FANCB: variants seen among roughly 807,000 people sequenced by gnomAD.
The protein encoded by FANCB is Fanconi anemia group B protein.
In FANCB, 5 loss-of-function variants were observed where a neutral mutation model predicts 38.9. The ratio of observed to expected loss-of-function variants is 0.13; its 90% CI spans 0.07 to 0.27. The LOEUF (loss-of-function observed/expected upper bound fraction) is 0.27, where lower values mean the gene tolerates loss of function less well. Ranked by LOEUF, FANCB falls within the 10% of genes least tolerant of loss-of-function variation. The pLI, the probability that FANCB is intolerant of heterozygous loss-of-function variation, is 1.00. For missense variants in FANCB, 573 were observed against 602.7 expected (o/e 0.95, Z 0.52); for synonymous variants, 236 against 215.4 (o/e 1.10, Z -0.84).
the FANCB span, among the ~76,000 whole-genome samples, chrX:14,782,779 C>T: frequency 8.9e-6 from 1 of 111,893 alleles, no homozygotes; most frequent in Non-Finnish European, 1.9e-5. Flanking sequence ...GCTTCTCAGA[C>T]ATTAATGTGC....
At chrX:14,830,117 T>C in the FANCB span, among the ~76,000 whole-genome samples, 2 of 111,593 alleles carry the variant, frequency 1.8e-5, no homozygotes, top group African/African-American at 6.5e-5. Context: ...AGAAACAGGG[T>C]AACGGCCGGT....
chrX:14,742,501 T>A, the FANCB span, among the ~76,000 whole-genome samples: 1 of 111,918 alleles, frequency 8.9e-6, no homozygotes, highest in South Asian at 3.8e-4. Flanking sequence ...TATAATAGTA[T>A]ATACCTTGTA....
chrX:14,836,124 C>T (rs950362808), exon 11 of FANCB: 2 of 111,927 alleles, frequency 1.8e-5, no homozygotes, highest in Non-Finnish European at 3.8e-5. Flanking sequence ...AGCTATGACA[C>T]GAATGAACCT....
chrX:14,844,997 T>C lies in FANCB; in HGVS notation c.1786A>G (p.Thr596Ala), dbSNP rs756702783. The part of the protein sequence containing the change: ...PLLTFSKFCC[T>A]VLLQIMERES... ...CTCTCCATAATTTGTAGCAGTACAGTGCAACAAAATTTACTGAATGTTAAA... is the reference window on the plus strand; with the variant it reads ...CTCTCCATAATTTGTAGCAGTACAGCGCAACAAAATTTACTGAATGTTAAA... The change falls in exon 8 of 10, where the codon ACT (threonine) becomes GCT (alanine). Residue 596 changes from threonine (T) to alanine (A), a missense_variant. Thr to Ala is a moderately conservative substitution (Grantham distance 58). Coordinates refer to ENST00000650831, the MANE Select transcript of FANCB (RefSeq NM_001018113.3). The C allele has an allele frequency of 2.1e-5, 25 of 1,209,484 alleles. No homozygotes were observed. The highest frequency in any genetic ancestry group is 2.7e-5 in the Non-Finnish European group (24 of 893,511).
chrX:14,723,144 A>G, the FANCB span, among the ~76,000 whole-genome samples: 10 of 112,082 alleles, frequency 8.9e-5, no homozygotes, highest in East Asian at 2.8e-4. Context: ...ATTGCAATCA[A>G]TCACCTACCC....
the FANCB span, among the ~76,000 whole-genome samples, chrX:14,751,466 C>T: frequency 1.8e-5 from 2 of 111,960 alleles, no homozygotes; most frequent in African/African-American, 3.2e-5. Context: ...AATGATTGAT[C>T]GTTACCCTTG....
At chrX:14,870,400 A>C (rs1448077612) in intron 1 of FANCB, among the ~76,000 whole-genome samples, 1 of 107,041 alleles carries the variant, frequency 9.3e-6, no homozygotes, top group Non-Finnish European at 1.9e-5. Context: ...ACATTATAAC[A>C]GTGGCTGCAG....
the FANCB span, among the ~76,000 whole-genome samples, chrX:14,711,900 C>G: frequency 2.7e-5 from 3 of 112,106 alleles, no homozygotes; most frequent in African/African-American, 9.7e-5. Flanking sequence ...ATAATAATTC[C>G]TTAAAGACAG....
At chrX:14,761,006 A>C in the FANCB span, among the ~76,000 whole-genome samples, 7 of 111,325 alleles carry the variant, frequency 6.3e-5, no homozygotes, top group East Asian at 2.8e-4. Flanking sequence ...CAAAAAAAAA[A>C]CCACTGAATT....
chrX:14,871,457 G>A (rs2092495836), intron 1 of FANCB, among the ~76,000 whole-genome samples: 1 of 111,733 alleles, frequency 8.9e-6, no homozygotes, highest in African/African-American at 3.3e-5. Context: ...TAAACCCAGA[G>A]ACATAATCCC....
intron 6 of FANCB, among the ~76,000 whole-genome samples, chrX:14,851,187 A>G (rs922817954): frequency 3.6e-5 from 4 of 112,256 alleles, no homozygotes; most frequent in African/African-American, 1.3e-4. Flanking sequence ...GAGTAGTAAT[A>G]AGAATAATAG....
the FANCB span, among the ~76,000 whole-genome samples, chrX:14,796,534 ATATATGTTATATATAATAAAT>A: frequency 1.0e-5 from 1 of 98,280 alleles, no homozygotes; most frequent in Non-Finnish European, 2.0e-5. Flanking sequence ...ATAATCTATT[ATATATGTTATATATAATAAAT>A]TATATGTTAT....
At chrX:14,808,425 A>G in the FANCB span, among the ~76,000 whole-genome samples, 1 of 112,288 alleles carries the variant, frequency 8.9e-6, no homozygotes, top group African/African-American at 3.2e-5. Context: ...AGATCAATCA[A>G]TGTGATACAT....
the FANCB span, among the ~76,000 whole-genome samples, chrX:14,763,685 T>A: frequency 9.0e-6 from 1 of 111,721 alleles, no homozygotes; most frequent in African/African-American, 3.3e-5. Flanking sequence ...TAAAAAATTA[T>A]CTCCCTTCTT....
chrX:14,832,487 G>A (rs115597969), downstream of FANCB, among the ~76,000 whole-genome samples: 2,472 of 111,395 alleles, frequency 0.022, 61 homozygotes, highest in African/African-American at 0.077. Context: ...ATATCTTTTT[G>A]GGGGGACATA....
the FANCB span, among the ~76,000 whole-genome samples, chrX:14,822,860 T>TC: frequency 9.0e-6 from 1 of 111,261 alleles, no homozygotes. Context: ...TGTTCGTTGC[T>TC]CTTTTTACCT....
At chrX:14,815,380 A>AAG in the FANCB span, among the ~76,000 whole-genome samples, 3 of 111,673 alleles carry the variant, frequency 2.7e-5, no homozygotes, top group African/African-American at 9.8e-5. Context: ...AGGTAAAAAA[A>AAG]AAAAGAAAAG....
chrX:14,829,431 T>C, the FANCB span, among the ~76,000 whole-genome samples: 1 of 111,454 alleles, frequency 9.0e-6, no homozygotes, highest in South Asian at 3.8e-4. Context: ...GCCTGTCCTT[T>C]GAAGTTTTGA....
chrX:14,796,153 C>T, the FANCB span, among the ~76,000 whole-genome samples: 1 of 110,953 alleles, frequency 9.0e-6, no homozygotes, highest in African/African-American at 3.3e-5. Flanking sequence ...AAACAATGAG[C>T]ACTTACTGTC....
Sources: allele counts gnomAD v4.1 joint callset (sites outside exome capture counted in the v4.1 genomes callset), GRCh38; gene constraint gnomAD v4.1.1; transcripts MANE v1.5; gene names NCBI Gene and HGNC (gene_info 2026-07-23, HGNC 2026-07-21).